Variants in AMMECR1 observed in about 807,000 individuals in gnomAD.
AMMECR1 encodes AMMECR nuclear protein 1.
In AMMECR1, 3 loss-of-function variants were observed where a neutral mutation model predicts 22.5. That is an observed-to-expected ratio of 0.13 (90% CI 0.06 to 0.35). AMMECR1 has a LOEUF of 0.35. Among genes scored for constraint, AMMECR1 ranks in the 10% least tolerant of loss-of-function variants. The probability of loss-of-function intolerance (pLI) is 1.00; values close to 1 mark genes in which losing one functional copy is unlikely to be tolerated. For missense variants in AMMECR1, 235 were observed against 278.7 expected (o/e 0.84, Z 1.12); for synonymous variants, 130 against 116.7 (o/e 1.11, Z -0.74).
At chrX:110,362,196 C>A (rs1020821051) in intron 2 of AMMECR1, among the ~76,000 whole-genome samples, 1 of 111,605 alleles carries the variant, frequency 9.0e-6, no homozygotes, top group Non-Finnish European at 1.9e-5. Context: ...CAAAATCTAG[C>A]TTTGGATGGG....
intron 3 of AMMECR1, 69 bp from the exon 4 acceptor site, chrX:110,202,605 A>G: frequency 1.4e-6 from 1 of 699,910 alleles, no homozygotes; most frequent in Non-Finnish European, 2.2e-6. Context: ...GTTATAATTT[A>G]ACTTTCAAGA....
At chrX:110,266,072 C>T (rs185631796) in intron 1 of AMMECR1, among the ~76,000 whole-genome samples, 150 of 108,980 alleles carry the variant, frequency 1.4e-3, no homozygotes, top group African/African-American at 5.0e-3. Flanking sequence ...ATGACCTACA[C>T]TAAAGGTATT....
Position 110,202,453 on chromosome X carries a change from C to T in AMMECR1, c.783G>A (p.Lys261=). 8.3e-7 allele frequency: 1 copy of T among 1,203,632 alleles called. No individual in the cohort carries two copies. The highest frequency in any genetic ancestry group is 1.1e-6 in the Non-Finnish European group (1 of 888,786). ...ATAAAGTACAACAATGACCTTGCTC[C>T]TTTGCAACCTCCGGTAGGTAGGTGG... ...RTATYLPEVA[K]EQGWDHIQTI... The change falls in exon 4 of 6, where the codon AAG becomes AAA. Residue 261 remains lysine, a synonymous_variant. Coordinates refer to ENST00000262844, the MANE Select transcript of AMMECR1 (RefSeq NM_015365.3).
intron 2 of AMMECR1, among the ~76,000 whole-genome samples, chrX:110,395,106 T>C (rs1043100750): frequency 3.6e-5 from 4 of 112,631 alleles, no homozygotes; most frequent in Non-Finnish European, 7.5e-5. Context: ...ATGTAGGTTG[T>C]TTCAGGGGCT....
At chrX:110,306,995 C>CAGTA (rs1026395947) in intron 1 of AMMECR1, 34 of 110,661 alleles carry the variant, frequency 3.1e-4, no homozygotes, top group African/African-American at 1.0e-3. Context: ...CCCAGCACTT[C>CAGTA]AGTAGGCAGA....
Position 110,344,565 on chromosome X carries a change from G to A in AMMECR1, c.-147-26716C>T, listed in dbSNP as rs772477254. On this transcript the variant is annotated intron_variant, in intron 2 of 7. Transcript: ENST00000372057. ...CATCAGAGTGAACAGGCAACCTATG[G>A]AATGGGAGAAAATTTTTGCAATCCA... 8.7e-3 allele frequency among the ~76,000 whole-genome samples: 955 copies of A among 110,246 alleles called. 18 individuals are homozygous for A. The highest frequency in any genetic ancestry group is 0.03 in the African/African-American group (880 of 29,437).
At chrX:110,247,828 T>C (rs1437904014) in intron 2 of AMMECR1, among the ~76,000 whole-genome samples, 1 of 112,503 alleles carries the variant, frequency 8.9e-6, no homozygotes, top group Admixed American at 9.3e-5. Flanking sequence ...AAAGATATTT[T>C]CACTGTCAAA....
chrX:110,428,607 C>T (rs893727458), intron 1 of AMMECR1, among the ~76,000 whole-genome samples: 1 of 111,358 alleles, frequency 9.0e-6, no homozygotes, highest in Non-Finnish European at 1.9e-5. Context: ...CACTCCCCCC[C>T]TCTCCAAGAT....
chrX:110,236,294 C>A (rs1410720372), intron 2 of AMMECR1, among the ~76,000 whole-genome samples: 1 of 111,476 alleles, frequency 9.0e-6, no homozygotes, highest in Non-Finnish European at 1.9e-5. Context: ...AGTTTTACTA[C>A]ACTACAATAC....
intron 2 of AMMECR1, among the ~76,000 whole-genome samples, chrX:110,227,214 T>C (rs2067538465): frequency 8.9e-6 from 1 of 112,145 alleles, no homozygotes; most frequent in South Asian, 3.7e-4. Flanking sequence ...AATCTATTAA[T>C]TGAACTCTAT....
intron 2 of AMMECR1, among the ~76,000 whole-genome samples, chrX:110,325,563 T>C (rs146791236): frequency 0.017 from 1,883 of 112,335 alleles, 42 homozygotes; most frequent in African/African-American, 0.057. Context: ...TTTCTTCTGG[T>C]TTATCTAATT....
At chrX:110,238,495 T>C (rs771477276) in intron 2 of AMMECR1, among the ~76,000 whole-genome samples, 36 of 112,535 alleles carry the variant, frequency 3.2e-4, no homozygotes, top group African/African-American at 8.1e-4. Flanking sequence ...ACTGCCTCTC[T>C]AGATTCCTCC....
At chrX:110,221,784 A>G (rs999815577) in intron 2 of AMMECR1, among the ~76,000 whole-genome samples, 2 of 111,767 alleles carry the variant, frequency 1.8e-5, no homozygotes, top group Admixed American at 9.5e-5. Context: ...AAAAGTGGGC[A>G]AAGGATATGA....
intron 2 of AMMECR1, among the ~76,000 whole-genome samples, chrX:110,368,603 C>G (rs1294115837): frequency 8.9e-6 from 1 of 112,033 alleles, no homozygotes; most frequent in Non-Finnish European, 1.9e-5. Context: ...AATTGCCACT[C>G]TCTGCATGCT....
At chrX:110,377,017 C>T (rs757735246) in intron 2 of AMMECR1, among the ~76,000 whole-genome samples, 13 of 111,949 alleles carry the variant, frequency 1.2e-4, no homozygotes, top group Non-Finnish European at 2.4e-4. Flanking sequence ...AACTACAGCA[C>T]TGCAGTAGTG....
chrX:110,238,662 A>G (rs948852811), intron 2 of AMMECR1, among the ~76,000 whole-genome samples: 4 of 112,416 alleles, frequency 3.6e-5, no homozygotes, highest in Non-Finnish European at 7.5e-5. Context: ...CTCTGAAGAG[A>G]GCAGTGGATC....
chrX:110,393,590 A>C (rs1359582672), intron 2 of AMMECR1, among the ~76,000 whole-genome samples: 1 of 111,479 alleles, frequency 9.0e-6, no homozygotes, highest in African/African-American at 3.3e-5. Flanking sequence ...GTGCCTCTAA[A>C]AGTTTCTTCT....
intron 3 of AMMECR1, among the ~76,000 whole-genome samples, chrX:110,213,197 A>T (rs1225206192): frequency 8.9e-6 from 1 of 111,801 alleles, no homozygotes; most frequent in Non-Finnish European, 1.9e-5. Context: ...AACCACCACC[A>T]CTATCTGGTT....
intron 2 of AMMECR1, among the ~76,000 whole-genome samples, chrX:110,347,491 G>A (rs1408455953): frequency 2.7e-5 from 3 of 112,673 alleles, no homozygotes; most frequent in Non-Finnish European, 5.6e-5. Context: ...TTAGTTCTTC[G>A]CTAATTCTGT....
Sources: gnomAD v4.1 joint callset for allele counts (sites outside exome capture counted in the v4.1 genomes callset) on GRCh38, gnomAD v4.1.1 for gene constraint, MANE v1.5 for transcripts, NCBI Gene and HGNC (gene_info 2026-07-23, HGNC 2026-07-21) for gene names.